Variants in SEMA6D observed in about 807,000 individuals in gnomAD.
SEMA6D encodes the protein semaphorin 6D.
Under a neutral mutation model 106.6 loss-of-function variants are expected in SEMA6D, and 35 were observed. The observed-to-expected ratio is 0.33, with a 90% CI of 0.25 to 0.44. SEMA6D has a LOEUF of 0.44. SEMA6D is among the 20% of genes least tolerant of loss of function. The pLI, the probability that SEMA6D is intolerant of heterozygous loss-of-function variation, is 1.00. For synonymous variants in SEMA6D, 499 were observed against 487.7 expected, an observed-to-expected ratio of 1.02 and a Z score of -0.31; for missense variants, 1,185 against 1,345.9, an observed-to-expected ratio of 0.88 and a Z score of 1.87.
intron 1 of SEMA6D, among the ~76,000 whole-genome samples, chr15:47,298,643 C>T (rs2035899876): frequency 6.6e-6 from 1 of 152,044 alleles, no homozygotes; most frequent in African/African-American, 2.4e-5. Flanking sequence ...CACATCTGCC[C>T]TCCAGCAGGC....
chr15:47,296,037 A>G (rs1317072266), intron 1 of SEMA6D, among the ~76,000 whole-genome samples: 2 of 152,140 alleles, frequency 1.3e-5, no homozygotes, highest in Non-Finnish European at 2.9e-5. Flanking sequence ...CCTTGGCCTC[A>G]AAGGGCCCAA....
intron 2 of SEMA6D, among the ~76,000 whole-genome samples, chr15:47,417,262 A>G (rs1223393521): frequency 6.6e-6 from 1 of 152,052 alleles, no homozygotes; most frequent in Non-Finnish European, 1.5e-5. Flanking sequence ...TGTTTTAGAG[A>G]TAGAGGGAAA....
At chr15:47,636,464 A>C (rs1426690985) in intron 4 of SEMA6D, among the ~76,000 whole-genome samples, 1 of 152,114 alleles carries the variant, frequency 6.6e-6, no homozygotes, top group East Asian at 1.9e-4. Context: ...TCCACTTTCC[A>C]ACATGGATGA....
At chr15:47,666,961 A>G (rs28428917) in intron 4 of SEMA6D, among the ~76,000 whole-genome samples, 136,026 of 152,144 alleles carry the variant, frequency 0.89, 60,910 homozygotes, top group Middle Eastern at 0.94. Context: ...CCACTCGTAG[A>G]TAATCCAATC....
intron 1 of SEMA6D, among the ~76,000 whole-genome samples, chr15:47,294,077 A>G (rs551344709): frequency 6.6e-6 from 1 of 152,278 alleles, no homozygotes; most frequent in African/African-American, 2.4e-5. Flanking sequence ...AACTGCCTGA[A>G]AAGAAATGTT....
intron 1 of SEMA6D, among the ~76,000 whole-genome samples, chr15:47,299,461 T>C (rs2035933723): frequency 6.6e-6 from 1 of 152,236 alleles, no homozygotes; most frequent in Non-Finnish European, 1.5e-5. Context: ...TCCTTTTGGG[T>C]ATTTACCTTT....
intron 3 of SEMA6D, among the ~76,000 whole-genome samples, chr15:47,508,023 A>G (rs996039482): frequency 1.3e-5 from 2 of 152,194 alleles, no homozygotes; most frequent in Non-Finnish European, 2.9e-5. Flanking sequence ...TATCATAACC[A>G]TGCAATACTG....
intron 4 of SEMA6D, among the ~76,000 whole-genome samples, chr15:47,675,360 A>G (rs1163109715): frequency 2.6e-5 from 4 of 152,192 alleles, no homozygotes; most frequent in African/African-American, 9.7e-5. Flanking sequence ...TCATTCAGTC[A>G]GACTGGAGTC....
intron 3 of SEMA6D, among the ~76,000 whole-genome samples, chr15:47,480,597 A>G (rs2043128139): frequency 6.6e-6 from 1 of 152,088 alleles, no homozygotes; most frequent in South Asian, 2.1e-4. Context: ...CTTTATTTCA[A>G]GATCTACCTC....
chr15:47,638,550 T>C (rs1326130727), intron 4 of SEMA6D, among the ~76,000 whole-genome samples: 1 of 152,204 alleles, frequency 6.6e-6, no homozygotes, highest in Non-Finnish European at 1.5e-5. Context: ...AATAATCAGA[T>C]GATAATGAAA....
Position 47,208,819 on chromosome 15 carries a change from T to C in SEMA6D, c.-239+24401T>C, listed in dbSNP as rs543663371. Among the ~76,000 whole-genome samples the C allele has an allele frequency of 2.6e-5, 4 of 152,280 alleles. No individual in the cohort carries two copies. The South Asian group carries it at 8.3e-4, about 32-fold the overall frequency. Reference sequence around the variant, plus strand: ...TTGGTCTTGGGCATGTCCTATAACATCTTTGGGCTTAGTATTTTCACTGAT... The same window carrying C: ...TTGGTCTTGGGCATGTCCTATAACACCTTTGGGCTTAGTATTTTCACTGAT... On this transcript the variant is annotated intron_variant, in intron 1 of 19. Coordinates refer to the SEMA6D transcript ENST00000558014.
chr15:47,575,710 C>T (rs2076145325), intron 3 of SEMA6D, among the ~76,000 whole-genome samples: 1 of 150,828 alleles, frequency 6.6e-6, no homozygotes, highest in African/African-American at 2.5e-5. Context: ...CAGAGCAAGA[C>T]TCCATCTCAA....
At chr15:47,700,898 C>T (rs2078796916) in intron 4 of SEMA6D, among the ~76,000 whole-genome samples, 1 of 152,114 alleles carries the variant, frequency 6.6e-6, no homozygotes, top group Non-Finnish European at 1.5e-5. Flanking sequence ...ACTGTAACAA[C>T]TGGATACACA....
At chr15:47,765,739 C>A in intron 13 of SEMA6D, 130 bp from the exon 14 acceptor site, 1 of 823,828 alleles carries the variant, frequency 1.2e-6, no homozygotes, top group Non-Finnish European at 1.7e-6. Context: ...ATTATTATTT[C>A]CCAAGCTATG....
At chr15:47,277,979 A>T (rs920333523) in intron 1 of SEMA6D, among the ~76,000 whole-genome samples, 2 of 152,040 alleles carry the variant, frequency 1.3e-5, no homozygotes, top group Admixed American at 1.3e-4. Context: ...TCCATGGTGT[A>T]TATGTACCAC....
chr15:47,593,381 G>A (rs1457507725), intron 3 of SEMA6D, among the ~76,000 whole-genome samples: 1 of 131,990 alleles, frequency 7.6e-6, no homozygotes, highest in Non-Finnish European at 1.6e-5. Context: ...ACTCCGGCCT[G>A]GGCGACAGAG....
At chr15:47,440,404 C>G (rs1358158564) in intron 2 of SEMA6D, among the ~76,000 whole-genome samples, 1 of 151,932 alleles carries the variant, frequency 6.6e-6, no homozygotes, top group Non-Finnish European at 1.5e-5. Context: ...GGCAAGAAAT[C>G]TGTGTGACAA....
At chr15:47,610,585 AT>A (rs900571723) in intron 4 of SEMA6D, among the ~76,000 whole-genome samples, 1 of 152,160 alleles carries the variant, frequency 6.6e-6, no homozygotes, top group Non-Finnish European at 1.5e-5. Flanking sequence ...TACATTTATC[AT>A]TTTTCACTCT....
At chr15:47,398,965 G>T (rs973856094) in intron 1 of SEMA6D, among the ~76,000 whole-genome samples, 1 of 152,154 alleles carries the variant, frequency 6.6e-6, no homozygotes, top group African/African-American at 2.4e-5. Context: ...CTTAAAAAAG[G>T]CCGTCAGAAT....
Sources: allele counts gnomAD v4.1 joint callset (sites outside exome capture counted in the v4.1 genomes callset), GRCh38; gene constraint gnomAD v4.1.1; transcripts MANE v1.5; gene names NCBI Gene and HGNC (gene_info 2026-07-23, HGNC 2026-07-21).